The following MAGI1 variants were observed in gnomAD, a reference collection of about 807,000 sequenced individuals.
MAGI1 encodes the protein membrane-associated guanylate kinase, WW and PDZ domain-containing protein 1.
A neutral mutation model predicts 139.9 loss-of-function variants in MAGI1; 58 were observed. The observed-to-expected ratio is 0.41, with a 90% CI of 0.34 to 0.52. MAGI1 has a LOEUF of 0.52. MAGI1 is among the 20% of genes least tolerant of loss of function. MAGI1 has a pLI of 0.12. For synonymous variants in MAGI1, 812 were observed against 737.9 expected (o/e 1.10, Z -1.63); for missense variants, 1,874 against 1,901.6 (o/e 0.99, Z 0.27).
intron 1 of MAGI1, among the ~76,000 whole-genome samples, chr3:65,973,579 A>G (rs2065112308): frequency 6.6e-6 from 1 of 152,210 alleles, no homozygotes; most frequent in Admixed American, 6.5e-5. Context: ...CCATATAAAC[A>G]TATGCACAAC....
intron 1 of MAGI1, among the ~76,000 whole-genome samples, chr3:65,721,491 A>T (rs1025098701): frequency 6.6e-6 from 1 of 152,130 alleles, no homozygotes; most frequent in African/African-American, 2.4e-5. Context: ...CTTGACATTC[A>T]AGTTCACCAC....
chr3:65,440,091 A>G (rs1331372601), intron 8 of MAGI1, 79 bp from the exon 9 acceptor site: 1 of 1,509,452 alleles, frequency 6.6e-7, no homozygotes, highest in African/African-American at 1.4e-5. Flanking sequence ...AAGTCCCTGG[A>G]ATCAAACTGA....
chr3:65,746,237 T>C (rs1409969751), intron 1 of MAGI1, among the ~76,000 whole-genome samples: 1 of 152,130 alleles, frequency 6.6e-6, no homozygotes, highest in Non-Finnish European at 1.5e-5. Context: ...GGTTTTAATA[T>C]GTTGGCCAGG....
At chr3:65,499,291 T>A (rs1334322715) in intron 2 of MAGI1, among the ~76,000 whole-genome samples, 2 of 152,118 alleles carry the variant, frequency 1.3e-5, no homozygotes, top group Admixed American at 1.3e-4. Flanking sequence ...TGGAAATGAT[T>A]GAATGAAATA....
intron 1 of MAGI1, among the ~76,000 whole-genome samples, chr3:65,668,061 A>G (rs2086637739): frequency 6.6e-6 from 1 of 152,190 alleles, no homozygotes. Flanking sequence ...GATTCAGACC[A>G]TGAACTCCAA....
At chr3:65,904,786 A>T (rs949226440) in intron 1 of MAGI1, among the ~76,000 whole-genome samples, 3 of 152,208 alleles carry the variant, frequency 2.0e-5, no homozygotes, top group African/African-American at 7.2e-5. Flanking sequence ...AAGCTCCAGG[A>T]GGTCAGGGCC....
At chr3:65,997,817 T>G (rs1028439746) in intron 1 of MAGI1, among the ~76,000 whole-genome samples, 10 of 152,076 alleles carry the variant, frequency 6.6e-5, no homozygotes, top group African/African-American at 2.2e-4. Context: ...CTAAGACCCA[T>G]GAGAGCAAGG....
chr3:65,937,080 C>G (rs893636335), intron 1 of MAGI1, among the ~76,000 whole-genome samples: 2 of 151,980 alleles, frequency 1.3e-5, no homozygotes, highest in African/African-American at 4.8e-5. Context: ...TATAGCTTAC[C>G]AAGAGCAAAC....
At chr3:65,816,718 C>T (rs149464805) in intron 1 of MAGI1, among the ~76,000 whole-genome samples, 2 of 152,028 alleles carry the variant, frequency 1.3e-5, no homozygotes, top group East Asian at 1.9e-4. Context: ...CATAATTCTT[C>T]AGGTCAGTGT....
chr3:65,959,949 G>A (rs928207787), intron 1 of MAGI1, among the ~76,000 whole-genome samples: 5 of 150,966 alleles, frequency 3.3e-5, no homozygotes, highest in Admixed American at 6.6e-5. Context: ...GTGATTACAG[G>A]AGCCCGCCAT....
intron 1 of MAGI1, among the ~76,000 whole-genome samples, chr3:65,912,964 C>T (rs79076646): frequency 0.011 from 1,678 of 152,264 alleles, 38 homozygotes; most frequent in South Asian, 0.069. Flanking sequence ...CTAGTTTGAT[C>T]TCTTTAAATA....
chr3:66,027,603 G>A (rs1357645629), intron 1 of MAGI1, among the ~76,000 whole-genome samples: 3 of 152,190 alleles, frequency 2.0e-5, no homozygotes, highest in Non-Finnish European at 4.4e-5. Context: ...TTTTCTCACA[G>A]CTGAAATGAG....
chr3:65,447,899 G>T, intron 7 of MAGI1, 123 bp downstream of exon 7: 1 of 1,132,122 alleles, frequency 8.8e-7, no homozygotes, highest in South Asian at 1.2e-5. Context: ...AAGCTAGAAT[G>T]AAAATCATAA....
At chr3:65,780,695 G>A (rs1003674809) in intron 1 of MAGI1, among the ~76,000 whole-genome samples, 1 of 152,106 alleles carries the variant, frequency 6.6e-6, no homozygotes, top group Non-Finnish European at 1.5e-5. Flanking sequence ...CCCCTATACA[G>A]TTTATGCTCA....
intron 1 of MAGI1, among the ~76,000 whole-genome samples, chr3:65,791,012 T>C (rs577602680): frequency 1.1e-4 from 17 of 151,978 alleles, no homozygotes; most frequent in Admixed American, 5.9e-4. Context: ...GAAGCGGAGG[T>C]TGCAGTAAGC....
chr3:65,677,723 T>A (rs2087288272), intron 1 of MAGI1, among the ~76,000 whole-genome samples: 1 of 152,192 alleles, frequency 6.6e-6, no homozygotes, highest in African/African-American at 2.4e-5. Flanking sequence ...CGTATCCACG[T>A]CAAAGGTCAA....
At position 65,754,578 on chromosome 3, in the gene MAGI1, T is replaced by A. The variant is rs530551690; in HGVS notation, c.314-132490A>T. On this transcript the variant is annotated intron_variant, in intron 1 of 22. Coordinates refer to ENST00000402939, the MANE Select transcript of MAGI1 (RefSeq NM_001033057.2). ...GCCTGCCTTTTTATCACTGCCACTT[T>A]CAAAGGCAATGTCTTAAGGAAAATA... Among the ~76,000 whole-genome samples the A allele has an allele frequency of 8.5e-4, 130 of 152,238 alleles. 5 individuals carry two copies. In the South Asian group the frequency reaches 0.026, roughly 31 times the overall value.
At chr3:65,990,554 A>T (rs543128682) in intron 1 of MAGI1, among the ~76,000 whole-genome samples, 19 of 152,258 alleles carry the variant, frequency 1.2e-4, no homozygotes, top group Admixed American at 1.0e-3. Context: ...CTATGGCATG[A>T]TGTTCCTTTG....
intron 1 of MAGI1, among the ~76,000 whole-genome samples, chr3:65,701,965 C>A (rs2089646272): frequency 6.6e-6 from 1 of 152,112 alleles, no homozygotes; most frequent in Non-Finnish European, 1.5e-5. Context: ...CACACAATGC[C>A]TGCATATATT....
Sources: allele counts gnomAD v4.1 joint callset (sites outside exome capture counted in the v4.1 genomes callset), GRCh38; gene constraint gnomAD v4.1.1; transcripts MANE v1.5; gene names NCBI Gene and HGNC (gene_info 2026-07-23, HGNC 2026-07-21).